SPAM1: variants seen among roughly 807,000 people sequenced by gnomAD.
The protein encoded by SPAM1 is hyaluronidase PH-20.
In SPAM1, 22 loss-of-function variants were observed where a neutral mutation model predicts 29.6. The ratio of observed to expected loss-of-function variants is 0.74; its 90% CI spans 0.53 to 1.06. The LOEUF is 1.06. Among genes scored for constraint, SPAM1 ranks in the 50% least tolerant of loss-of-function variants. The pLI, the probability that SPAM1 is intolerant of heterozygous loss-of-function variation, is 0.00. For synonymous variants in SPAM1, 194 were observed against 204.6 expected, an observed-to-expected ratio of 0.95 and a Z score of 0.44; for missense variants, 534 against 604.0, an observed-to-expected ratio of 0.88 and a Z score of 1.21.
At chr7:123,951,503 C>A (rs1472406399) in intron 2 of SPAM1, among the ~76,000 whole-genome samples, 1 of 152,112 alleles carries the variant, frequency 6.6e-6, no homozygotes, top group African/African-American at 2.4e-5. Flanking sequence ...TAGATTTATG[C>A]TGAGGAAAAA....
At chr7:123,961,703 T>C (rs973473936), downstream of SPAM1, among the ~76,000 whole-genome samples, 2 of 151,976 alleles carry the variant, frequency 1.3e-5, no homozygotes, top group Non-Finnish European at 2.9e-5. Context: ...CTGTATCCTA[T>C]GTGTATTAGT....
Position 123,935,207 on chromosome 7 carries a change from G to A in SPAM1, c.-319+9855G>A, listed in dbSNP as rs566605907. Among the ~76,000 whole-genome samples the A allele has an allele frequency of 4.6e-5, 7 of 152,062 alleles. No homozygotes were observed. In the South Asian group the frequency reaches 6.2e-4, roughly 14 times the overall value. ...ATGGGAAATTTTATGTCTTGTTTTC[G>A]GCAGGAAGGAAGAAAGCAGAGTGCC... On this transcript the variant is annotated intron_variant, in intron 1 of 4. Coordinates refer to ENST00000682466, the MANE Select transcript of SPAM1 (RefSeq NM_153189.3).
Position 123,953,822 on chromosome 7 carries a change from CG to C in SPAM1, c.255del (p.Gln86LysfsTer17). 6.2e-7 allele frequency: 1 copy of C among 1,613,044 alleles called. No homozygotes were observed. Among genetic ancestry groups the C allele is most frequent in the South Asian group, 1.1e-5 (1 of 90,922 alleles). ...FIGSPRINAT[G>X]QGVTIFYVDR... ...TAGGAAGCCCCCGAATAAACGCCAC[CG>C]GGCAAGGTGTTACAATATTTTATGT... On this transcript the variant is annotated frameshift_variant, in exon 3 of 5. Coordinates refer to ENST00000682466, the MANE Select transcript of SPAM1 (RefSeq NM_153189.3). LOFTEE classifies it high-confidence loss of function.
chr7:123,928,166 T>G (rs1807954606), intron 1 of SPAM1, among the ~76,000 whole-genome samples: 1 of 152,202 alleles, frequency 6.6e-6, no homozygotes, highest in African/African-American at 2.4e-5. Context: ...GTTCAATTCC[T>G]TATTTTTCAT....
intron 2 of SPAM1, among the ~76,000 whole-genome samples, chr7:123,950,541 T>C (rs1329161375): frequency 6.6e-6 from 1 of 152,110 alleles, no homozygotes; most frequent in Non-Finnish European, 1.5e-5. Context: ...AGTTAGTTCA[T>C]TTAGGATAAT....
intron 1 of SPAM1, among the ~76,000 whole-genome samples, chr7:123,927,920 C>A (rs2117013231): frequency 6.6e-6 from 1 of 152,050 alleles, no homozygotes; most frequent in East Asian, 1.9e-4. Flanking sequence ...GAAAGCTGAC[C>A]AGAGGTTAAT....
At position 123,925,582 on chromosome 7, in the gene SPAM1, A is replaced by G. The variant is rs1012249323; in HGVS notation, c.-319+230A>G. On this transcript the variant is annotated intron_variant, in intron 1 of 4. Transcript: ENST00000682466. ...AAAAATGAGTTCCTTGGTCTGATTC[A>G]ATCTATAAAGAAATGCCAAAATGAG... 3.3e-5 allele frequency: 5 copies of G among 152,118 alleles called. No individual in the cohort carries two copies. The South Asian group carries it at 1.0e-3, about 32-fold the overall frequency. The allele number at this position is 152,118 out of a possible 1,614,324, so 9.4% of individuals were successfully genotyped here.
chr7:123,966,422 A>G (rs1792425293), intron 5 of SPAM1, among the ~76,000 whole-genome samples: 1 of 152,096 alleles, frequency 6.6e-6, no homozygotes, highest in Non-Finnish European at 1.5e-5. Context: ...ATTACTGGGT[A>G]TATATCCAAA....
chr7:123,959,958 G>C lies in SPAM1; in HGVS notation c.1519G>C (p.Ala507Pro), dbSNP rs1402320059. The change falls in exon 5 of 5, where the codon GCG (alanine) becomes CCG (proline). Residue 507 changes from alanine to proline, a missense_variant. Ala to Pro is a conservative substitution (Grantham distance 27, BLOSUM62 -1). Transcript: ENST00000682466. ...TTTGTTTCTTATCATTTCTTCTGTA[G>C]CGAGTTTGTAATTGCGCAGGTTAGC... The part of the protein sequence containing the change: ...SILFLIISSV[A>P]SL The C allele has an allele frequency of 1.2e-6, 2 of 1,606,436 alleles. No homozygotes were observed. The highest frequency in any genetic ancestry group is 1.7e-6 in the Non-Finnish European group (2 of 1,177,350).
Position 123,953,914 on chromosome 7 carries a change from C to T in SPAM1, c.344C>T (p.Pro115Leu). 1.2e-6 allele frequency: 2 copies of T among 1,613,586 alleles called. No homozygotes were observed. The highest frequency in any genetic ancestry group is 1.7e-6 in the Non-Finnish European group (2 of 1,179,712). Residue 115 changes from proline to leucine, a missense_variant, in exon 3 of 5, where the codon CCC becomes CTC. By Grantham distance (98) the Pro-to-Leu change is moderately conservative (BLOSUM62 -3). Coordinates refer to ENST00000682466, the MANE Select transcript of SPAM1 (RefSeq NM_153189.3). Reference protein sequence around the residue: ...ITGVTVNGGIPQKISLQDHLD... With the variant: ...ITGVTVNGGILQKISLQDHLD... The stretch of plus-strand genomic sequence containing the variant: ...GGAGTAACTGTGAATGGAGGAATCC[C>T]CCAGAAGATTTCCTTACAAGACCAT...
At chr7:123,962,589 G>T (rs959030794), downstream of SPAM1, among the ~76,000 whole-genome samples, 2 of 151,642 alleles carry the variant, frequency 1.3e-5, no homozygotes, top group Non-Finnish European at 2.9e-5. Context: ...TCTTTGCCTT[G>T]ACCAATGTCC....
At chr7:123,932,916 T>C (rs1262363675) in intron 1 of SPAM1, among the ~76,000 whole-genome samples, 1 of 152,154 alleles carries the variant, frequency 6.6e-6, no homozygotes, top group Non-Finnish European at 1.5e-5. Flanking sequence ...CCCAATCTCA[T>C]TGCCAGAACT....
At chr7:123,956,464 A>G (rs1792250242) in intron 4 of SPAM1, among the ~76,000 whole-genome samples, 1 of 152,064 alleles carries the variant, frequency 6.6e-6, no homozygotes, top group Non-Finnish European at 1.5e-5. Flanking sequence ...AGTTACTGGA[A>G]CTGACATAAA....
chr7:123,961,946 G>A (rs4472450), downstream of SPAM1, among the ~76,000 whole-genome samples: 1 of 151,834 alleles, frequency 6.6e-6, no homozygotes, highest in Admixed American at 6.6e-5. Flanking sequence ...GAGAACAGTA[G>A]GGGGGAAATC....
chr7:123,936,020 A>G (rs1808235593), intron 1 of SPAM1, among the ~76,000 whole-genome samples: 1 of 152,174 alleles, frequency 6.6e-6, no homozygotes, highest in African/African-American at 2.4e-5. Flanking sequence ...AGGCTTACTT[A>G]ATATCATTTT....
chr7:123,957,035 C>T (rs1792262315), intron 4 of SPAM1, among the ~76,000 whole-genome samples: 1 of 151,950 alleles, frequency 6.6e-6, no homozygotes, highest in Admixed American at 6.6e-5. Context: ...TAACCCTTGT[C>T]TCTGTGGAGT....
Position 123,953,791 on chromosome 7 carries a change from C to T in SPAM1, c.221C>T (p.Ser74Phe), listed in dbSNP as rs201367608. 6.2e-7 allele frequency: 1 copy of T among 1,612,472 alleles called. No homozygotes were observed. The highest frequency in any genetic ancestry group is 8.5e-7 in the Non-Finnish European group (1 of 1,179,408). The change falls in exon 3 of 5, where the codon TCT (serine) becomes TTT (phenylalanine). Residue 74 changes from serine to phenylalanine, a missense_variant. Ser to Phe is a radical substitution (Grantham distance 155, BLOSUM62 -2). Transcript: ENST00000682466. ...GAGCCACTAGATATGAGCCTCTTCT[C>T]TTTCATAGGAAGCCCCCGAATAAAC... ...FDEPLDMSLF[S>F]FIGSPRINAT...
At chr7:123,963,039 C>T (rs1382251468), downstream of SPAM1, among the ~76,000 whole-genome samples, 1 of 151,730 alleles carries the variant, frequency 6.6e-6, no homozygotes, top group African/African-American at 2.4e-5. Context: ...TTTATGGAAA[C>T]TTTTTTCTCG....
At chr7:123,956,502 G>A (rs191221548) in intron 4 of SPAM1, among the ~76,000 whole-genome samples, 49 of 151,900 alleles carry the variant, frequency 3.2e-4, no homozygotes, top group African/African-American at 9.4e-4. Flanking sequence ...ATTTCTTTTC[G>A]TTCCATTTTA....
Sources: allele counts gnomAD v4.1 joint callset (sites outside exome capture counted in the v4.1 genomes callset), GRCh38; gene constraint gnomAD v4.1.1; transcripts MANE v1.5; gene names NCBI Gene and HGNC (gene_info 2026-07-23, HGNC 2026-07-21).